Variants in NALF1 observed in about 807,000 individuals in gnomAD.
NALF1 encodes NALCN channel auxiliary factor 1.
In NALF1, 3 loss-of-function variants were observed where a neutral mutation model predicts 48.4. That is an observed-to-expected ratio of 0.06 (90% CI 0.03 to 0.16). The LOEUF (loss-of-function observed/expected upper bound fraction) is 0.16. Among genes scored for constraint, NALF1 ranks in the 10% least tolerant of loss-of-function variants. The pLI, the probability that NALF1 is intolerant of heterozygous loss-of-function variation, is 1.00. For missense variants in NALF1, 526 were observed against 571.5 expected, an observed-to-expected ratio of 0.92 and a Z score of 0.81; for synonymous variants, 262 against 245.7, an observed-to-expected ratio of 1.07 and a Z score of -0.62.
chr13:107,220,438 T>C (rs1879965877), intron 1 of NALF1, among the ~76,000 whole-genome samples: 1 of 152,200 alleles, frequency 6.6e-6, no homozygotes, highest in Non-Finnish European at 1.5e-5. Context: ...AGAATTTACA[T>C]ATTTAAAAAG....
intron 1 of NALF1, among the ~76,000 whole-genome samples, chr13:107,739,239 T>C (rs1019065080): frequency 7.9e-5 from 12 of 151,786 alleles, no homozygotes; most frequent in African/African-American, 2.7e-4. Flanking sequence ...TGATGGTTGA[T>C]AGGTGCAGCA....
chr13:107,599,484 T>C (rs991198268), intron 1 of NALF1, among the ~76,000 whole-genome samples: 2 of 150,866 alleles, frequency 1.3e-5, no homozygotes, highest in African/African-American at 4.9e-5. Flanking sequence ...CTTTGAAAAA[T>C]ACAGCCAAAT....
chr13:107,811,109 T>C (rs1015092410), intron 1 of NALF1, among the ~76,000 whole-genome samples: 3 of 152,170 alleles, frequency 2.0e-5, no homozygotes, highest in African/African-American at 4.8e-5. Flanking sequence ...ATCCTCCTTA[T>C]GAAACTCAAG....
chr13:107,482,677 A>G (rs1468009891), intron 1 of NALF1, among the ~76,000 whole-genome samples: 1 of 152,200 alleles, frequency 6.6e-6, no homozygotes, highest in Non-Finnish European at 1.5e-5. Context: ...GGTCTTGAAT[A>G]GTTGTCCTGG....
intron 1 of NALF1, among the ~76,000 whole-genome samples, chr13:107,583,407 T>C (rs897859034): frequency 6.6e-6 from 1 of 152,204 alleles, no homozygotes; most frequent in Admixed American, 6.6e-5. Context: ...TTTTAAGTTA[T>C]GAAATATGAT....
At chr13:107,716,797 C>T (rs1249988906) in intron 1 of NALF1, among the ~76,000 whole-genome samples, 1 of 152,014 alleles carries the variant, frequency 6.6e-6, no homozygotes, top group East Asian at 1.9e-4. Context: ...CGCTCAGACA[C>T]CAACTCTTGT....
intron 1 of NALF1, among the ~76,000 whole-genome samples, chr13:107,625,715 C>T (rs561490341): frequency 6.6e-6 from 1 of 152,134 alleles, no homozygotes; most frequent in African/African-American, 2.4e-5. Flanking sequence ...TTATAGTTTC[C>T]CCAAAAGGAT....
chr13:107,244,559 G>T (rs1388084963), intron 1 of NALF1, among the ~76,000 whole-genome samples: 2 of 151,994 alleles, frequency 1.3e-5, no homozygotes, highest in Non-Finnish European at 2.9e-5. Context: ...TAGTTTTTTT[G>T]GAGCTTCTGT....
chr13:107,199,948 A>G (rs1385276717), intron 2 of NALF1, among the ~76,000 whole-genome samples: 1 of 152,114 alleles, frequency 6.6e-6, no homozygotes, highest in Admixed American at 6.5e-5. Flanking sequence ...ACCTCCCACC[A>G]CAGAGCTTCT....
At chr13:107,328,969 A>G (rs1294842133) in intron 1 of NALF1, among the ~76,000 whole-genome samples, 1 of 152,242 alleles carries the variant, frequency 6.6e-6, no homozygotes, top group East Asian at 1.9e-4. Flanking sequence ...GTGTTTCACC[A>G]GTGTGACACT....
intron 1 of NALF1, among the ~76,000 whole-genome samples, chr13:107,342,768 A>G (rs993883032): frequency 1.3e-5 from 2 of 152,224 alleles, no homozygotes; most frequent in African/African-American, 4.8e-5. Flanking sequence ...AAGGAAATGT[A>G]AAAGGAATCA....
At chr13:107,219,813 A>G (rs1200667572) in intron 1 of NALF1, among the ~76,000 whole-genome samples, 1 of 152,216 alleles carries the variant, frequency 6.6e-6, no homozygotes, top group Non-Finnish European at 1.5e-5. Context: ...ATGGGCAAAA[A>G]AAAGAGTCTG....
chr13:107,171,313 T>C lies in NALF1; in HGVS notation c.1088-527A>G, dbSNP rs116268000. 4.0e-3 allele frequency among the ~76,000 whole-genome samples: 611 copies of C among 152,332 alleles called. 5 individuals carry two copies. The highest frequency in any genetic ancestry group is 0.014 in the African/African-American group (576 of 41,568). On this transcript the variant is annotated intron_variant, in intron 2 of 2. Coordinates refer to ENST00000375915, the MANE Select transcript of NALF1 (RefSeq NM_001080396.3). Reference sequence around the variant, plus strand: ...TGGGCAAAACCATCTATATGTCCAGTGGGTGATCGGGTCATTTTGATTTAT... The same window carrying C: ...TGGGCAAAACCATCTATATGTCCAGCGGGTGATCGGGTCATTTTGATTTAT...
At position 107,236,935 on chromosome 13, in the gene NALF1, C is replaced by T. The variant is rs926776472; in HGVS notation, c.916-26180G>A. Reference sequence around the variant, plus strand: ...ACATCATATTGAGTATTATAAGTAACCTGGAGGTGATTTAAAGTATACAGG... The same window carrying T: ...ACATCATATTGAGTATTATAAGTAATCTGGAGGTGATTTAAAGTATACAGG... On this transcript the variant is annotated intron_variant, in intron 1 of 2. Coordinates refer to ENST00000375915, the MANE Select transcript of NALF1 (RefSeq NM_001080396.3). Among the ~76,000 whole-genome samples, 9 of 152,062 alleles carry T rather than the reference C, an allele frequency of 5.9e-5. No homozygotes were observed. The East Asian group carries it at 1.2e-3, about 20-fold the overall frequency.
At chr13:107,569,896 G>T (rs376260125) in intron 1 of NALF1, among the ~76,000 whole-genome samples, 1 of 151,886 alleles carries the variant, frequency 6.6e-6, no homozygotes, top group South Asian at 2.1e-4. Flanking sequence ...AATTGTTTAG[G>T]TCTTCTTTGA....
chr13:107,816,961 A>C (rs1445948095), intron 1 of NALF1, among the ~76,000 whole-genome samples: 1 of 152,170 alleles, frequency 6.6e-6, no homozygotes, highest in African/African-American at 2.4e-5. Flanking sequence ...CTTTTTATAC[A>C]TATGGATTTT....
At chr13:107,800,670 T>C (rs769540536) in intron 1 of NALF1, among the ~76,000 whole-genome samples, 32 of 147,452 alleles carry the variant, frequency 2.2e-4, no homozygotes, top group Non-Finnish European at 4.2e-4. Flanking sequence ...ATACATCATA[T>C]TGTATTTTAT....
In NALF1 at chr13:107,293,208, C is replaced by T. The variant is rs1881660836; in HGVS notation, c.916-82453G>A. 2.0e-5 allele frequency among the ~76,000 whole-genome samples: 3 copies of T among 151,870 alleles called. No individual in the cohort carries two copies. In the South Asian group the frequency reaches 6.2e-4, roughly 32 times the overall value. ...TGTTAGCCAGGATGCTCTCGATCTCCTGACCTCATGATCCACCCACCTTGG... is the reference window on the plus strand; with the variant it reads ...TGTTAGCCAGGATGCTCTCGATCTCTTGACCTCATGATCCACCCACCTTGG... On this transcript the variant is annotated intron_variant, in intron 1 of 2. Coordinates refer to ENST00000375915, the MANE Select transcript of NALF1 (RefSeq NM_001080396.3).
At chr13:107,823,184 ACCC>A (rs1174754101) in intron 1 of NALF1, among the ~76,000 whole-genome samples, 1 of 151,746 alleles carries the variant, frequency 6.6e-6, no homozygotes, top group African/African-American at 2.4e-5. Flanking sequence ...TGTCTGGCAA[ACCC>A]CTGCCTTTCA....
Sources: allele counts gnomAD v4.1 joint callset (sites outside exome capture counted in the v4.1 genomes callset), GRCh38; gene constraint gnomAD v4.1.1; transcripts MANE v1.5; gene names NCBI Gene and HGNC (gene_info 2026-07-23, HGNC 2026-07-21).